Variants in PTGDR2 observed in about 807,000 individuals in gnomAD.
The protein encoded by PTGDR2 is G-protein coupled receptor 44.
For synonymous variants in PTGDR2, 276 were observed against 278.4 expected, an observed-to-expected ratio of 0.99 and a Z score of 0.09; for missense variants, 544 against 576.6, an observed-to-expected ratio of 0.94 and a Z score of 0.58.
At position 60,853,272 on chromosome 11, in the gene PTGDR2, C is replaced by T. The variant is rs1485268895; in HGVS notation, c.451G>A (p.Val151Ile). ...NHRTVAAAHK[V>I]CLVLWALAVL... ...GCTAGTGCCCAAAGCACCAGGCAGA[C>T]TTTGTGCGCCGCGGCCACGGTGCGG... The change falls in exon 2 of 2, where the codon GTC becomes ATC. Residue 151 changes from valine (V) to isoleucine (I), a missense_variant. By Grantham distance (29) the Val-to-Ile change is conservative. Coordinates refer to ENST00000332539, the MANE Select transcript of PTGDR2 (RefSeq NM_004778.3). The T allele has an allele frequency of 6.2e-7, 1 of 1,612,736 alleles. No individual in the cohort carries two copies. Among genetic ancestry groups the T allele is most frequent in the South Asian group, 1.1e-5 (1 of 90,976 alleles).
Position 60,853,196 on chromosome 11 carries a change from A to T in PTGDR2, c.527T>A (p.Leu176Gln). ...YFVFRDTISR[L>Q]DGRIMCYYNV... ...GTAGTAGCACATAATGCGCCCGTCC[A>T]GCCGCGAGATGGTGTCCCGGAACAC... The change falls in exon 2 of 2, where the codon CTG (leucine) becomes CAG (glutamine). Residue 176 changes from leucine to glutamine, a missense_variant. By Grantham distance (113) the Leu-to-Gln change is moderately radical. Coordinates refer to ENST00000332539, the MANE Select transcript of PTGDR2 (RefSeq NM_004778.3). 1.9e-6 allele frequency: 3 copies of T among 1,611,838 alleles called. No homozygotes were observed. Among genetic ancestry groups the T allele is most frequent in the Non-Finnish European group, 2.5e-6 (3 of 1,179,904 alleles).
chr11:60,855,608 C>CT (rs1325917055), intron 1 of PTGDR2, among the ~76,000 whole-genome samples: 1 of 152,144 alleles, frequency 6.6e-6, no homozygotes, highest in Admixed American at 6.5e-5. Flanking sequence ...TCTAAGCGTG[C>CT]TGGTGTCATC....
rs1855348601 is a variant in PTGDR2, at chr11:60,855,864, C to T, written c.-10+5G>A. 6.6e-6 allele frequency: 1 copy of T among 152,378 alleles called. No homozygotes were observed. Among genetic ancestry groups the T allele is most frequent in the South Asian group, 2.1e-4 (1 of 4,834 alleles). The allele number at this position is 152,378 out of a possible 1,614,324, so 9.4% of individuals were successfully genotyped here. On this transcript the variant is annotated splice_donor_5th_base_variant and intron_variant, in intron 1 of 1. Coordinates refer to ENST00000332539, the MANE Select transcript of PTGDR2 (RefSeq NM_004778.3). The stretch of plus-strand genomic sequence containing the variant: ...CTGCCCAACCCCTGGGCCACTCCTC[C>T]TTACCTGGGCACAGAGGGAGCACAG...
Position 60,852,747 on chromosome 11 carries a change from C to A in PTGDR2, c.976G>T (p.Val326Leu). ...RRSLRTVLES[V>L]LVDDSELGGA... The stretch of plus-strand genomic sequence containing the variant: ...CCCAGCTCGCTGTCGTCCACCAGCA[C>A]GCTCTCCAGCACCGTGCGCAGCGAG... The change falls in exon 2 of 2, where the codon GTG becomes TTG. Residue 326 changes from valine to leucine, a missense_variant. Val to Leu is a conservative substitution (Grantham distance 32). Transcript: ENST00000332539. 9 of 1,495,536 alleles carry A rather than the reference C, an allele frequency of 6.0e-6. No individual in the cohort carries two copies. The highest frequency in any genetic ancestry group is 8.1e-6 in the Non-Finnish European group (9 of 1,116,214). The allele number at this position is 1,495,536 out of a possible 1,614,324, so 92.6% of individuals were successfully genotyped here.
Position 60,853,539 on chromosome 11 carries a change from G to T in PTGDR2, c.184C>A (p.Arg62Ser), listed in dbSNP as rs756927031. The change falls in exon 2 of 2, where the codon CGC (arginine) becomes AGC (serine). Residue 62 changes from arginine (R) to serine (S), a missense_variant. By Grantham distance (110) the Arg-to-Ser change is moderately radical. Coordinates refer to ENST00000332539, the MANE Select transcript of PTGDR2 (RefSeq NM_004778.3). ...ACCCAGGTGGTGACCACGGTCTGGC[G>T]CATGCGGCAGCCCACCACGAAGAGG... ...VILFVVGCRMRQTVVTTWVLH... is the reference protein window; with the variant it reads ...VILFVVGCRMSQTVVTTWVLH... 1.9e-6 allele frequency: 3 copies of T among 1,556,128 alleles called. No individual in the cohort carries two copies. In the South Asian group the frequency reaches 3.6e-5, roughly 18 times the overall value.
chr11:60,855,397 A>G (rs503207), intron 1 of PTGDR2, among the ~76,000 whole-genome samples: 118,403 of 151,288 alleles, frequency 0.78, 46,858 homozygotes, highest in East Asian at 0.95. Flanking sequence ...CTTGGGCACC[A>G]CCAGATCAGT....
chr11:60,855,580 T>C (rs1855345976), intron 1 of PTGDR2, among the ~76,000 whole-genome samples: 1 of 152,002 alleles, frequency 6.6e-6, no homozygotes, highest in African/African-American at 2.4e-5. Context: ...CCTGGCTGCG[T>C]GACCTTGGGC....
rs1565098258 is a variant in PTGDR2, at chr11:60,853,214, C to T, written c.509G>A (p.Arg170Gln). The change falls in exon 2 of 2, where the codon CGG becomes CAG. Residue 170 changes from arginine (R) to glutamine (Q), a missense_variant. Arg to Gln is a conservative substitution (Grantham distance 43). Transcript: ENST00000332539. ...CCCGTCCAGCCGCGAGATGGTGTCC[C>T]GGAACACGAAATAGGGCACCGTGTT... is the stretch of plus-strand genomic sequence containing the variant. Reference protein sequence around the residue: ...VLNTVPYFVFRDTISRLDGRI... With the variant: ...VLNTVPYFVFQDTISRLDGRI... 2.5e-6 allele frequency: 4 copies of T among 1,612,780 alleles called. No homozygotes were observed. Among genetic ancestry groups the T allele is most frequent in the East Asian group, 4.5e-5 (2 of 44,866 alleles).
In PTGDR2 at chr11:60,853,163, A is replaced by G. The variant is rs753053259; in HGVS notation, c.560T>C (p.Leu187Pro). The change falls in exon 2 of 2, where the codon CTG becomes CCG. Residue 187 changes from leucine (L) to proline (P), a missense_variant. Transcript: ENST00000332539. ...GCGGTCAGGCCCCGGGTTCAGGAGC[A>G]GCACATTGTAGTAGCACATAATGCG... ...DGRIMCYYNV[L>P]LLNPGPDRDA... is the part of the protein sequence containing the mutation. 6.2e-7 allele frequency: 1 copy of G among 1,609,492 alleles called. No individual in the cohort carries two copies. Among genetic ancestry groups the G allele is most frequent in the Non-Finnish European group, 8.5e-7 (1 of 1,179,850 alleles).
Position 60,852,610 on chromosome 11 carries a change from G to A in PTGDR2, c.1113C>T (p.Gly371=). Residue 371 remains glycine, a synonymous_variant, in exon 2 of 2, where the codon GGC becomes GGT. Transcript: ENST00000332539. The part of the protein sequence containing the change: ...EEPRGPARLL[G]WLLGSCAASP... ...ACGCTGCGCAGCTGCCCAGCAGCCA[G>A]CCGAGGAGACGCGCGGGGCCCCGCG... 2 of 1,313,004 alleles carry A rather than the reference G, an allele frequency of 1.5e-6. No individual in the cohort carries two copies. The highest frequency in any genetic ancestry group is 9.7e-7 in the Non-Finnish European group (1 of 1,030,404). 81.3% of individuals were successfully genotyped at this position (1,313,004 alleles called of 1,614,324 possible).
At position 60,853,233 on chromosome 11, in the gene PTGDR2, C is replaced by A; in HGVS notation, c.490G>T (p.Val164Leu). Reference protein sequence around the residue: ...VLWALAVLNTVPYFVFRDTIS... With the variant: ...VLWALAVLNTLPYFVFRDTIS... ...GTGTCCCGGAACACGAAATAGGGCA[C>A]CGTGTTGAGCACCGCTAGTGCCCAA... Residue 164 changes from valine to leucine, a missense_variant, in exon 2 of 2, where the codon GTG (valine) becomes TTG (leucine). By Grantham distance (32) the Val-to-Leu change is conservative. Transcript: ENST00000332539. 6.2e-7 allele frequency: 1 copy of A among 1,613,224 alleles called. No homozygotes were observed. Among genetic ancestry groups the A allele is most frequent in the South Asian group, 1.1e-5 (1 of 91,056 alleles).
rs1362006501 is a variant in PTGDR2 at position 60,852,842 on chromosome 11, A to G, written c.881T>C (p.Phe294Ser). 5 of 1,557,088 alleles carry G rather than the reference A, an allele frequency of 3.2e-6. No individual in the cohort carries two copies. Among genetic ancestry groups the G allele is most frequent in the East Asian group, 2.4e-5 (1 of 41,502 alleles). The part of the protein sequence containing the change: ...RGLPFVTSLA[F>S]FNSVANPVLY... ...CACCGGGTTGGCCACGCTGTTGAAG[A>G]AGGCCAGGCTGGTGACGAAGGGCAG... Residue 294 changes from phenylalanine (F) to serine (S), a missense_variant, in exon 2 of 2, where the codon TTC (phenylalanine) becomes TCC (serine). Transcript: ENST00000332539.
Position 60,852,738 on chromosome 11 carries a change from C to A in PTGDR2, c.985G>T (p.Asp329Tyr). The A allele has an allele frequency of 3.4e-6, 5 of 1,488,792 alleles. No individual in the cohort carries two copies. Among genetic ancestry groups the A allele is most frequent in the Non-Finnish European group, 4.5e-6 (5 of 1,112,072 alleles). The allele number at this position is 1,488,792 out of a possible 1,614,324, so 92.2% of individuals were successfully genotyped here. The change falls in exon 2 of 2, where the codon GAC becomes TAC. Residue 329 changes from aspartate to tyrosine, a missense_variant. Transcript: ENST00000332539. ...CCCGCGCCACCCAGCTCGCTGTCGT[C>A]CACCAGCACGCTCTCCAGCACCGTG... ...LRTVLESVLV[D>Y]DSELGGAGSS...
chr11:60,852,370 T>C lies in PTGDR2; in HGVS notation c.*165A>G, dbSNP rs1855281841. The stretch of plus-strand genomic sequence containing the variant: ...TTTGAGAAGCACTGCTTTAACTCAC[T>C]GTTTCTGAAAAAGATTCAGAGTCTC... On this transcript the variant is annotated 3_prime_UTR_variant, in exon 2 of 2. Coordinates refer to ENST00000332539, the MANE Select transcript of PTGDR2 (RefSeq NM_004778.3). 2 of 508,044 alleles carry C rather than the reference T, an allele frequency of 3.9e-6. No homozygotes were observed. Among genetic ancestry groups the C allele is most frequent in the Non-Finnish European group, 6.1e-6 (2 of 327,580 alleles). The allele number at this position is 508,044 out of a possible 1,614,324, so 31.5% of individuals were successfully genotyped here. A position where few individuals can be genotyped will look rare whatever the true frequency, so the allele number is the denominator to read the frequency against.
chr11:60,853,810 C>T, intron 1 of PTGDR2, 79 bp from the exon 2 acceptor site: 1 of 1,196,258 alleles, frequency 8.4e-7, no homozygotes, highest in African/African-American at 1.5e-5. Context: ...CGGAGTGGGA[C>T]CCTGCCCAGG....
Position 60,851,734 on chromosome 11 carries a change from T to G in PTGDR2, c.*801A>C, listed in dbSNP as rs1855269790. ...CTTGACCACGCCATCCCCTGCTGCTTCTGCCTTGGAAGCACTTTGGGCAGT... is the reference window on the plus strand; with the variant it reads ...CTTGACCACGCCATCCCCTGCTGCTGCTGCCTTGGAAGCACTTTGGGCAGT... On this transcript the variant is annotated 3_prime_UTR_variant, in exon 2 of 2. Transcript: ENST00000332539. 6.6e-6 allele frequency: 1 copy of G among 152,260 alleles called. No individual in the cohort carries two copies. The highest frequency in any genetic ancestry group is 2.1e-4 in the South Asian group (1 of 4,832). 9.4% of individuals were successfully genotyped at this position (152,260 alleles called of 1,614,324 possible). A position where few individuals can be genotyped will look rare whatever the true frequency, so the allele number is the denominator to read the frequency against.
At position 60,853,536 on chromosome 11, in the gene PTGDR2, G is replaced by A; in HGVS notation, c.187C>T (p.Gln63Ter). Residue 63 changes from glutamine to a stop codon, truncating the protein, a stop_gained, in exon 2 of 2, where the codon CAG becomes TAG. Coordinates refer to ENST00000332539, the MANE Select transcript of PTGDR2 (RefSeq NM_004778.3). LOFTEE classifies it low-confidence loss of function (END_TRUNC). Reference protein sequence around the residue: ...ILFVVGCRMRQTVVTTWVLHL... With the variant: ...ILFVVGCRMR Reference sequence around the variant, plus strand: ...AGCACCCAGGTGGTGACCACGGTCTGGCGCATGCGGCAGCCCACCACGAAG... The same window carrying A: ...AGCACCCAGGTGGTGACCACGGTCTAGCGCATGCGGCAGCCCACCACGAAG... The A allele has an allele frequency of 1.3e-6, 2 of 1,556,414 alleles. No homozygotes were observed. Among genetic ancestry groups the A allele is most frequent in the Non-Finnish European group, 1.7e-6 (2 of 1,149,628 alleles).
intron 1 of PTGDR2, among the ~76,000 whole-genome samples, 157 bp from the exon 2 acceptor site, chr11:60,853,888 G>C (rs1389600992): frequency 3.3e-5 from 5 of 152,214 alleles, no homozygotes; most frequent in Non-Finnish European, 7.3e-5. Context: ...CAGCATTGCT[G>C]TGCTTGGGCA....
rs1855284647 is a variant in PTGDR2, at chr11:60,852,502, C to G, written c.*33G>C. 1 of 1,246,748 alleles carries G rather than the reference C, an allele frequency of 8.0e-7. No individual in the cohort carries two copies. The highest frequency in any genetic ancestry group is 1.0e-6 in the Non-Finnish European group (1 of 996,144). 77.2% of individuals were successfully genotyped at this position (1,246,748 alleles called of 1,614,324 possible). On this transcript the variant is annotated 3_prime_UTR_variant, in exon 2 of 2. Coordinates refer to ENST00000332539, the MANE Select transcript of PTGDR2 (RefSeq NM_004778.3). ...AACCGCGGCACCCTGGTGATACTTT[C>G]GCGTGTGAGTGCCGCCCTACGTGGG...
Sources: gnomAD v4.1 joint callset for allele counts (sites outside exome capture counted in the v4.1 genomes callset) on GRCh38, gnomAD v4.1.1 for gene constraint, MANE v1.5 for transcripts, NCBI Gene and HGNC (gene_info 2026-07-23, HGNC 2026-07-21) for gene names.